The following ARHGEF10 variants were observed in gnomAD, a reference collection of about 807,000 sequenced individuals.
ARHGEF10 encodes the protein Rho guanine nucleotide exchange factor 10.
A neutral mutation model predicts 147.4 loss-of-function variants in ARHGEF10; 140 were observed. The observed-to-expected ratio is 0.95, with a 90% CI of 0.83 to 1.09. The LOEUF is 1.09. Among genes scored for constraint, ARHGEF10 ranks in the 50% least tolerant of loss-of-function variants. The pLI is 0.00. For synonymous variants in ARHGEF10, 902 were observed against 695.8 expected, an observed-to-expected ratio of 1.30 and a Z score of -4.67; for missense variants, 2,222 against 1,752.7, an observed-to-expected ratio of 1.27 and a Z score of -4.78.
At chr8:1,892,519 A>T (rs1450429129) in intron 11 of ARHGEF10, among the ~76,000 whole-genome samples, 2 of 152,118 alleles carry the variant, frequency 1.3e-5, no homozygotes, top group Non-Finnish European at 2.9e-5. Flanking sequence ...CTTTTTAACC[A>T]GAGAAATTTC....
chr8:1,955,840 G>GTGC (rs899276523), intron 28 of ARHGEF10, among the ~76,000 whole-genome samples: 1 of 152,278 alleles, frequency 6.6e-6, no homozygotes, highest in African/African-American at 2.4e-5. Flanking sequence ...CATCGCTGGT[G>GTGC]TGCAGGGATC....
intron 25 of ARHGEF10, among the ~76,000 whole-genome samples, chr8:1,930,531 T>C (rs2129228399): frequency 6.9e-6 from 1 of 144,576 alleles, no homozygotes; most frequent in Middle Eastern, 3.5e-3. Flanking sequence ...GAGTCCCCAG[T>C]GTACTTAGAA....
At chr8:1,826,208 TAA>T (rs1345099118) in intron 1 of ARHGEF10, 32 of 1,335,346 alleles carry the variant, frequency 2.4e-5, no homozygotes, top group Non-Finnish European at 2.8e-5. Context: ...GAAGTGAAGT[TAA>T]AAGTTATTCA....
chr8:1,858,186 A>T, intron 3 of ARHGEF10, 71 bp downstream of exon 3: 5 of 1,450,496 alleles, frequency 3.4e-6, no homozygotes, highest in South Asian at 1.3e-5. Flanking sequence ...GTGGGTCCCC[A>T]TGTGAGTCAC....
At chr8:1,859,806 C>G (rs955344553) in intron 3 of ARHGEF10, 91 bp from the exon 4 acceptor site, 1 of 1,489,026 alleles carries the variant, frequency 6.7e-7, no homozygotes, top group Non-Finnish European at 9.3e-7. Context: ...ATGGTGGGAG[C>G]TCATACCTGC....
intron 17 of ARHGEF10, among the ~76,000 whole-genome samples, chr8:1,908,439 A>G (rs1048816322): frequency 2.3e-4 from 35 of 152,164 alleles, no homozygotes; most frequent in East Asian, 5.8e-4. Context: ...TCACTGTGTT[A>G]GCCAGGATGG....
Position 1,858,004 on chromosome 8 carries a change from G to A in ARHGEF10, c.82G>A (p.Gly28Arg). Residue 28 changes from glycine to arginine, a missense_variant, in exon 3 of 29, where the codon GGA becomes AGA. Physicochemically the swap from Gly to Arg is moderately radical, Grantham distance 125. Transcript: ENST00000349830. ...TACCAATAATAATGAAGAGGAAGAG[G>A]GAGAACAGTTCGATTTTGACAGTGG... ...YDTNNNEEEE[G>R]EQFDFDSGDE... The A allele has an allele frequency of 6.2e-7, 1 of 1,614,058 alleles. No homozygotes were observed. The highest frequency in any genetic ancestry group is 8.5e-7 in the Non-Finnish European group (1 of 1,180,008).
intron 1 of ARHGEF10, among the ~76,000 whole-genome samples, chr8:1,832,453 GACAGA>G: frequency 6.7e-6 from 1 of 150,232 alleles, no homozygotes; most frequent in African/African-American, 2.5e-5. Flanking sequence ...CAGAGACAGA[GACAGA>G]GGCAGAGACA....
At chr8:1,898,578 T>C in intron 15 of ARHGEF10, 53 bp downstream of exon 15, 1 of 1,559,602 alleles carries the variant, frequency 6.4e-7, no homozygotes, top group East Asian at 2.3e-5. Flanking sequence ...CGCCCATGAC[T>C]CATTTGAAAA....
intron 15 of ARHGEF10, among the ~76,000 whole-genome samples, 183 bp downstream of exon 15, chr8:1,898,708 C>CGGGGGCAGCTGTA (rs1810220821): frequency 6.6e-6 from 1 of 152,082 alleles, no homozygotes; most frequent in Non-Finnish European, 1.5e-5. Flanking sequence ...CACCCTACGC[C>CGGGGGCAGCTGTA]GGGGGCAGCT....
intron 4 of ARHGEF10, 99 bp downstream of exon 4, chr8:1,860,283 G>A (rs1585297953): frequency 6.6e-7 from 1 of 1,517,936 alleles, no homozygotes; most frequent in South Asian, 1.2e-5. Context: ...GCATGCCCCG[G>A]ATGTGGCCTG....
At chr8:1,932,288 C>G (rs1046099811) in intron 25 of ARHGEF10, among the ~76,000 whole-genome samples, 4 of 151,942 alleles carry the variant, frequency 2.6e-5, no homozygotes, top group African/African-American at 9.7e-5. Context: ...ATTGTGTGAG[C>G]AGGTGTGTAT....
At chr8:1,955,022 G>A (rs1034859590) in intron 28 of ARHGEF10, among the ~76,000 whole-genome samples, 105 of 142,320 alleles carry the variant, frequency 7.4e-4, no homozygotes, top group Middle Eastern at 3.6e-3. Context: ...CCTGAAAGGA[G>A]GTGCACTCTC....
At chr8:1,890,493 G>GT (rs1809424175) in intron 11 of ARHGEF10, among the ~76,000 whole-genome samples, 1 of 150,036 alleles carries the variant, frequency 6.7e-6, no homozygotes, top group African/African-American at 2.5e-5. Context: ...TGGGGTGAGG[G>GT]TTGTGAGGAG....
intron 1 of ARHGEF10, among the ~76,000 whole-genome samples, chr8:1,837,199 C>T (rs1172530587): frequency 6.6e-6 from 1 of 152,240 alleles, no homozygotes; most frequent in African/African-American, 2.4e-5. Context: ...AAGGCCTGGG[C>T]CAGAATCTGA....
At chr8:1,920,426 G>A (rs188294420) in intron 18 of ARHGEF10, among the ~76,000 whole-genome samples, 16 of 151,590 alleles carry the variant, frequency 1.1e-4, no homozygotes, top group African/African-American at 1.9e-4. Context: ...TGGCTCGAGC[G>A]ATCTTCCTAC....
chr8:1,839,961 G>GGA (rs1803881997), intron 1 of ARHGEF10, among the ~76,000 whole-genome samples: 1 of 133,160 alleles, frequency 7.5e-6, no homozygotes, highest in Non-Finnish European at 1.6e-5. Context: ...CGGTGTGGAA[G>GGA]CTGTCTGGTG....
intron 18 of ARHGEF10, among the ~76,000 whole-genome samples, chr8:1,910,851 A>G (rs1291354058): frequency 6.6e-6 from 1 of 152,204 alleles, no homozygotes; most frequent in Non-Finnish European, 1.5e-5. Flanking sequence ...GCCTTATTGT[A>G]TTTAAATAGC....
chr8:1,954,376 G>A (rs976138564), intron 28 of ARHGEF10, among the ~76,000 whole-genome samples: 13 of 152,104 alleles, frequency 8.5e-5, no homozygotes, highest in African/African-American at 2.7e-4. Flanking sequence ...CTGTGTCGAC[G>A]TGATGCTGAA....
Sources: allele counts gnomAD v4.1 joint callset (sites outside exome capture counted in the v4.1 genomes callset), GRCh38; gene constraint gnomAD v4.1.1; transcripts MANE v1.5; gene names NCBI Gene and HGNC (gene_info 2026-07-23, HGNC 2026-07-21).